Variants in ZBTB20 observed in about 807,000 individuals in gnomAD.
ZBTB20 encodes zinc finger and BTB domain containing 20.
In ZBTB20, 9 loss-of-function variants were observed where a neutral mutation model predicts 56.9. The ratio of observed to expected loss-of-function variants is 0.16; its 90% confidence interval spans 0.10 to 0.28. The LOEUF is 0.28. Ranked by LOEUF, ZBTB20 falls within the 10% of genes least tolerant of loss-of-function variation. The pLI is 1.00. For synonymous variants in ZBTB20, 417 were observed against 420.7 expected, an observed-to-expected ratio of 0.99 and a Z score of 0.11; for missense variants, 655 against 1,003.0, an observed-to-expected ratio of 0.65 and a Z score of 4.69.
chr3:114,431,645 C>T (rs1434036861), intron 7 of ZBTB20, among the ~76,000 whole-genome samples: 2 of 152,102 alleles, frequency 1.3e-5, no homozygotes, highest in Non-Finnish European at 2.9e-5. Flanking sequence ...TTAAGGTAGA[C>T]AGGAAGTGCG....
chr3:114,552,838 C>T (rs939244134), intron 6 of ZBTB20, among the ~76,000 whole-genome samples: 7 of 152,178 alleles, frequency 4.6e-5, no homozygotes, highest in Non-Finnish European at 8.8e-5. Context: ...AAGGTGGAAG[C>T]TTCAAATTTG....
intron 6 of ZBTB20, among the ~76,000 whole-genome samples, chr3:114,555,066 ACAAAGGCCTGGACTTTT>A (rs1358454469): frequency 3.9e-5 from 6 of 152,294 alleles, no homozygotes; most frequent in African/African-American, 1.4e-4. Flanking sequence ...AAGGGAATTG[ACAAAGGCCTGGACTTTT>A]CTTATACTTG....
chr3:114,979,432 A>T (rs2078241792), intron 2 of ZBTB20, among the ~76,000 whole-genome samples: 1 of 151,950 alleles, frequency 6.6e-6, no homozygotes, highest in Admixed American at 6.6e-5. Flanking sequence ...CATATAAGAA[A>T]TTTTCAATCC....
At chr3:114,903,642 C>G (rs189699891) in intron 3 of ZBTB20, among the ~76,000 whole-genome samples, 1 of 152,028 alleles carries the variant, frequency 6.6e-6, no homozygotes, top group Admixed American at 6.6e-5. Context: ...CTAAATAATA[C>G]GTGCAGCAAC....
intron 4 of ZBTB20, among the ~76,000 whole-genome samples, chr3:114,854,974 T>C (rs2075178764): frequency 6.6e-6 from 1 of 152,222 alleles, no homozygotes. Flanking sequence ...AGCTTTCTTT[T>C]GTCTAAACTT....
At chr3:115,019,232 T>C (rs538517555) in intron 2 of ZBTB20, among the ~76,000 whole-genome samples, 2 of 151,408 alleles carry the variant, frequency 1.3e-5, no homozygotes, top group African/African-American at 4.8e-5. Flanking sequence ...GAAAAAATTT[T>C]AGATGGATTA....
chr3:114,630,395 T>C (rs375786017), intron 6 of ZBTB20, among the ~76,000 whole-genome samples: 7 of 152,168 alleles, frequency 4.6e-5, no homozygotes, highest in Non-Finnish European at 1.0e-4. Context: ...AGGGTGCTAA[T>C]GAAAGCTATT....
intron 6 of ZBTB20, among the ~76,000 whole-genome samples, chr3:114,582,423 C>G (rs1229273951): frequency 1.3e-5 from 2 of 151,234 alleles, no homozygotes; most frequent in Non-Finnish European, 2.9e-5. Context: ...CTCACTCTGT[C>G]CACCAGGCTG....
intron 2 of ZBTB20, among the ~76,000 whole-genome samples, chr3:115,058,888 T>C (rs751706284): frequency 2.0e-5 from 3 of 152,230 alleles, no homozygotes. Context: ...ATTGTGTGTG[T>C]GCTTCAGATT....
At chr3:114,650,273 C>G (rs1331107538) in intron 6 of ZBTB20, among the ~76,000 whole-genome samples, 2 of 151,654 alleles carry the variant, frequency 1.3e-5, no homozygotes, top group African/African-American at 4.8e-5. Context: ...TCTGAAAGAC[C>G]ATTGAAAAGT....
chr3:114,717,759 TC>T (rs1240043816), intron 5 of ZBTB20, among the ~76,000 whole-genome samples: 1 of 152,174 alleles, frequency 6.6e-6, no homozygotes, highest in Non-Finnish European at 1.5e-5. Context: ...CAGGCTTTTA[TC>T]CGTTCCACTC....
intron 8 of ZBTB20, among the ~76,000 whole-genome samples, chr3:114,381,863 C>CT (rs2084388017): frequency 6.6e-6 from 1 of 152,116 alleles, no homozygotes; most frequent in Admixed American, 6.5e-5. Flanking sequence ...TTTCAGACAT[C>CT]TTTTTCAGTA....
At chr3:114,895,358 G>A (rs2074831934) in intron 4 of ZBTB20, among the ~76,000 whole-genome samples, 1 of 152,148 alleles carries the variant, frequency 6.6e-6, no homozygotes, top group South Asian at 2.1e-4. Flanking sequence ...CTTTGCAAGA[G>A]ACTGCTTTTA....
intron 3 of ZBTB20, among the ~76,000 whole-genome samples, chr3:114,933,144 T>C (rs2076416391): frequency 6.6e-6 from 1 of 152,146 alleles, no homozygotes; most frequent in Non-Finnish European, 1.5e-5. Context: ...CAAGTGCAAC[T>C]ACATGAGTGA....
intron 4 of ZBTB20, among the ~76,000 whole-genome samples, chr3:114,807,415 C>G (rs1426946118): frequency 2.6e-5 from 4 of 151,734 alleles, no homozygotes; most frequent in African/African-American, 9.7e-5. Context: ...TAACCCTTCT[C>G]TTTCCCTTCC....
intron 7 of ZBTB20, among the ~76,000 whole-genome samples, chr3:114,408,934 C>T (rs373038913): frequency 6.6e-6 from 1 of 152,008 alleles, no homozygotes; most frequent in Non-Finnish European, 1.5e-5. Flanking sequence ...GCTCGTCCGC[C>T]GTCCGCTCCT....
chr3:114,573,545 G>A (rs2053673289), intron 6 of ZBTB20, among the ~76,000 whole-genome samples: 1 of 138,046 alleles, frequency 7.2e-6, no homozygotes, highest in Non-Finnish European at 1.6e-5. Flanking sequence ...GAGAGAAAGG[G>A]AAAAGAAAGA....
At chr3:114,390,747 T>C (rs927497202) in intron 7 of ZBTB20, among the ~76,000 whole-genome samples, 1 of 152,208 alleles carries the variant, frequency 6.6e-6, no homozygotes, top group African/African-American at 2.4e-5. Context: ...CCTTTGTCCA[T>C]TCATTCAGTG....
chr3:114,924,242 A>T (rs910399834), intron 3 of ZBTB20, among the ~76,000 whole-genome samples: 3 of 152,208 alleles, frequency 2.0e-5, no homozygotes, highest in Non-Finnish European at 4.4e-5. Flanking sequence ...TCTTTAAGAG[A>T]TATCTGTACC....
Sources: allele counts gnomAD v4.1 joint callset (sites outside exome capture counted in the v4.1 genomes callset), GRCh38; gene constraint gnomAD v4.1.1; transcripts MANE v1.5; gene names NCBI Gene and HGNC (gene_info 2026-07-23, HGNC 2026-07-21).